COL13A1: variants seen among roughly 807,000 people sequenced by gnomAD.
COL13A1 encodes collagen type XIII alpha 1 chain, also known as collagen alpha-1(XIII) chain.
In COL13A1, 89 loss-of-function variants were observed where a neutral mutation model predicts 130.9. The ratio of observed to expected loss-of-function variants is 0.68; its 90% CI spans 0.57 to 0.81. The LOEUF (loss-of-function observed/expected upper bound fraction) is 0.81, where lower values mean the gene tolerates loss of function less well. Among genes scored for constraint, COL13A1 ranks in the 30% least tolerant of loss-of-function variants. COL13A1 has a pLI of 0.00. For missense variants in COL13A1, 879 were observed against 934.6 expected (o/e 0.94, Z 0.78); for synonymous variants, 402 against 341.6 (o/e 1.18, Z -1.95).
At chr10:69,849,479 C>T (rs1025526403) in intron 2 of COL13A1, among the ~76,000 whole-genome samples, 1 of 152,226 alleles carries the variant, frequency 6.6e-6, no homozygotes. Flanking sequence ...TGGTATGATG[C>T]CCACACAATG....
chr10:69,807,906 G>C (rs1402490247), intron 1 of COL13A1, among the ~76,000 whole-genome samples: 1 of 152,190 alleles, frequency 6.6e-6, no homozygotes, highest in African/African-American at 2.4e-5. Flanking sequence ...GCCCTCAGCA[G>C]ACATTATTAA....
At chr10:69,918,344 T>C in intron 19 of COL13A1, 27 bp downstream of exon 19, 2 of 1,611,554 alleles carry the variant, frequency 1.2e-6, no homozygotes, top group Non-Finnish European at 1.7e-6. Flanking sequence ...AACCAACACA[T>C]CAGGGACAGG....
intron 34 of COL13A1, among the ~76,000 whole-genome samples, chr10:69,938,881 C>T (rs1480963631): frequency 6.6e-6 from 1 of 152,162 alleles, no homozygotes; most frequent in Non-Finnish European, 1.5e-5. Context: ...GTGCTCCTTA[C>T]TATTAAAGAG....
At chr10:69,936,858 C>T (rs950365205) in intron 33 of COL13A1, 76 bp downstream of exon 33, 15 of 1,583,380 alleles carry the variant, frequency 9.5e-6, no homozygotes, top group Non-Finnish European at 1.2e-5. Context: ...GACCAGCTGA[C>T]CCTTTTTCCT....
At chr10:69,922,057 G>C in intron 22 of COL13A1, 122 bp downstream of exon 22, 1 of 1,257,276 alleles carries the variant, frequency 8.0e-7, no homozygotes, top group South Asian at 1.6e-5. Context: ...AGGAAAGGCA[G>C]CTGGAACACA....
At chr10:69,836,561 A>G (rs1850126447) in intron 2 of COL13A1, among the ~76,000 whole-genome samples, 1 of 152,132 alleles carries the variant, frequency 6.6e-6, no homozygotes, top group Non-Finnish European at 1.5e-5. Context: ...TTCTCTTTCC[A>G]GCTCACTTCA....
chr10:69,929,917 T>C, intron 28 of COL13A1, 126 bp from the exon 29 acceptor site: 2 of 782,728 alleles, frequency 2.6e-6, no homozygotes, highest in Non-Finnish European at 4.4e-6. Flanking sequence ...AGCAACACAG[T>C]TAGAATTAAA....
chr10:69,898,589 C>T, intron 13 of COL13A1, 108 bp from the exon 14 acceptor site: 1 of 809,160 alleles, frequency 1.2e-6, no homozygotes, highest in South Asian at 1.7e-5. Context: ...TTCCTCTGCT[C>T]CGGTCCCTCT....
At chr10:69,956,366 C>T (rs1482856572) in intron 39 of COL13A1, 5 of 152,468 alleles carry the variant, frequency 3.3e-5, no homozygotes, top group African/African-American at 1.2e-4. Flanking sequence ...TTTTACTGCA[C>T]TTCACCCCCA....
At chr10:69,890,356 A>G (rs1006439777) in intron 10 of COL13A1, among the ~76,000 whole-genome samples, 1 of 152,184 alleles carries the variant, frequency 6.6e-6, no homozygotes, top group Admixed American at 6.5e-5. Context: ...AAAAAAACAA[A>G]CAAACAGACA....
intron 2 of COL13A1, among the ~76,000 whole-genome samples, chr10:69,836,924 G>A (rs1466676572): frequency 1.3e-5 from 2 of 151,708 alleles, no homozygotes; most frequent in Non-Finnish European, 2.9e-5. Flanking sequence ...AGTTATGTGA[G>A]CTGTCACGGG....
intron 21 of COL13A1, among the ~76,000 whole-genome samples, chr10:69,920,885 A>T (rs2064572789): frequency 1.3e-5 from 2 of 152,188 alleles, no homozygotes; most frequent in Non-Finnish European, 2.9e-5. Flanking sequence ...CCAGTCACGT[A>T]ACCTCTTGGG....
chr10:69,874,337 C>T (rs2704522), intron 4 of COL13A1, among the ~76,000 whole-genome samples: 67,105 of 151,994 alleles, frequency 0.44, 16,181 homozygotes, highest in East Asian at 0.81. Context: ...TTCTCCGCAC[C>T]CTATTGCTTT....
At chr10:69,891,262 C>A (rs757144118) in intron 10 of COL13A1, among the ~76,000 whole-genome samples, 11 of 152,166 alleles carry the variant, frequency 7.2e-5, no homozygotes, top group Non-Finnish European at 1.3e-4. Flanking sequence ...TAACAAAAAC[C>A]TCACCCAGGC....
chr10:69,892,482 G>C (rs1045393658), intron 10 of COL13A1, among the ~76,000 whole-genome samples: 1 of 152,226 alleles, frequency 6.6e-6, no homozygotes, highest in Non-Finnish European at 1.5e-5. Flanking sequence ...TTGGGGGTCT[G>C]AGACTCAGGA....
chr10:69,920,209 C>T (rs1289274046), intron 21 of COL13A1, among the ~76,000 whole-genome samples: 1 of 152,246 alleles, frequency 6.6e-6, no homozygotes, highest in Non-Finnish European at 1.5e-5. Context: ...CACCAAAAGA[C>T]TTGGTGTGGC....
chr10:69,941,755 A>G (rs3793821), intron 35 of COL13A1, among the ~76,000 whole-genome samples: 17,752 of 152,218 alleles, frequency 0.12, 1,246 homozygotes, highest in Middle Eastern at 0.26. Context: ...GCTTATGACT[A>G]ACAACTGAAG....
At chr10:69,874,351 T>C (rs2683555) in intron 4 of COL13A1, among the ~76,000 whole-genome samples, 112,967 of 152,080 alleles carry the variant, frequency 0.74, 42,331 homozygotes, top group East Asian at 0.94. Context: ...TTGCTTTCCA[T>C]CCTTCCAGGC....
rs573169691 is a variant in COL13A1, at chr10:69,915,831, G to A, written c.922-1458G>A. On this transcript the variant is annotated intron_variant, in intron 17 of 40. Transcript: ENST00000645393. ...AGTTGAAATGGAAGAAAGACAGACC[G>A]TGGAAATGGGTAGTGTTTTCAGGGA... Among the ~76,000 whole-genome samples, 20 of 152,288 alleles carry A rather than the reference G, an allele frequency of 1.3e-4. 1 individual carries two copies. In the South Asian group the frequency reaches 2.3e-3, roughly 17 times the overall value.
Sources: allele counts gnomAD v4.1 joint callset (sites outside exome capture counted in the v4.1 genomes callset), GRCh38; gene constraint gnomAD v4.1.1; transcripts MANE v1.5; gene names NCBI Gene and HGNC (gene_info 2026-07-23, HGNC 2026-07-21).